The following FMN2 variants were observed in gnomAD, a reference collection of about 807,000 sequenced individuals.
FMN2 encodes the protein formin-2.
In FMN2, 51 loss-of-function variants were observed where a neutral mutation model predicts 142.3. The observed-to-expected ratio is 0.36, with a 90% CI of 0.29 to 0.45. FMN2 has a LOEUF of 0.45. Among genes scored for constraint, FMN2 ranks in the 20% least tolerant of loss-of-function variants. FMN2 has a pLI of 1.00. For synonymous variants in FMN2, 882 were observed against 869.8 expected (o/e 1.01, Z -0.25); for missense variants, 1,936 against 2,122.8 (o/e 0.91, Z 1.73).
At chr1:240,210,967 CTCT>C (rs1335099087) in intron 5 of FMN2, 121 bp from the exon 6 acceptor site, 4 of 799,910 alleles carry the variant, frequency 5.0e-6, no homozygotes, top group Non-Finnish European at 7.7e-6. Flanking sequence ...CTTCTTATCT[CTCT>C]TCTTTTTCCC....
intron 4 of FMN2, among the ~76,000 whole-genome samples, chr1:240,203,941 A>C (rs148964232): frequency 6.6e-6 from 1 of 152,348 alleles, no homozygotes; most frequent in Non-Finnish European, 1.5e-5. Context: ...TGTGCATTAC[A>C]AATACTTTAG....
intron 4 of FMN2, among the ~76,000 whole-genome samples, chr1:240,200,552 C>A (rs1349133850): frequency 6.6e-6 from 1 of 152,076 alleles, no homozygotes; most frequent in Non-Finnish European, 1.5e-5. Flanking sequence ...ATACATTTGG[C>A]TACTCTGTAG....
intron 8 of FMN2, among the ~76,000 whole-genome samples, chr1:240,296,272 A>G (rs909165566): frequency 1.2e-4 from 18 of 151,092 alleles, no homozygotes; most frequent in Non-Finnish European, 2.7e-4. Context: ...AGCACGATAT[A>G]GTCAGTGCTA....
Position 240,144,037 on chromosome 1 carries a change from G to A in FMN2, c.1782+20692G>A. 5 of 1,126,978 alleles carry A rather than the reference G, an allele frequency of 4.4e-6. No homozygotes were observed. In the South Asian group the frequency reaches 6.2e-5, roughly 14 times the overall value. 69.8% of individuals were successfully genotyped at this position (1,126,978 alleles called of 1,614,324 possible). On this transcript the variant is annotated intron_variant, in intron 2 of 17. Coordinates refer to ENST00000319653, the MANE Select transcript of FMN2 (RefSeq NM_020066.5). ...AGACCCCAGAGTTCACTATGCCACA[G>A]GCAAGAAGAATTCCTGACTTAATGT...
intron 7 of FMN2, among the ~76,000 whole-genome samples, chr1:240,294,007 C>T (rs547704194): frequency 6.6e-6 from 1 of 151,956 alleles, no homozygotes; most frequent in Non-Finnish European, 1.5e-5. Context: ...ATTTTTGTCC[C>T]GGAAATTTTT....
In FMN2 at chr1:240,159,915, A is replaced by G. The variant is rs372068375; in HGVS notation, c.1783-18006A>G. ...TATATATATATCTGTGTATATATAT[A>G]TATATATATATATATATTTGTGTAT... On this transcript the variant is annotated intron_variant, in intron 2 of 17. Coordinates refer to ENST00000319653, the MANE Select transcript of FMN2 (RefSeq NM_020066.5). Among the ~76,000 whole-genome samples the G allele has an allele frequency of 7.9e-3, 706 of 89,230 alleles. 5 individuals are homozygous for G. Among genetic ancestry groups the G allele is most frequent in the African/African-American group, 0.043 (674 of 15,716 alleles). 58.5% of individuals were successfully genotyped at this position (89,230 alleles called of 152,430 possible).
At chr1:240,162,944 A>G (rs909407627) in intron 2 of FMN2, among the ~76,000 whole-genome samples, 4 of 152,164 alleles carry the variant, frequency 2.6e-5, no homozygotes, top group African/African-American at 9.7e-5. Context: ...GCAAATATTT[A>G]TATTATCCTT....
In FMN2 at chr1:240,415,648, A is replaced by G. The variant is rs1413269912; in HGVS notation, c.4911-22413A>G. 3.3e-5 allele frequency among the ~76,000 whole-genome samples: 5 copies of G among 152,206 alleles called. No individual in the cohort carries two copies. The East Asian group carries it at 5.8e-4, about 18-fold the overall frequency. On this transcript the variant is annotated intron_variant, in intron 15 of 17. Transcript: ENST00000319653. ...CACTCGGTGTAAAAACAATACTGTTAGCATCTTAGAGACTCAGCTTCTGAG... is the reference window on the plus strand; with the variant it reads ...CACTCGGTGTAAAAACAATACTGTTGGCATCTTAGAGACTCAGCTTCTGAG...
chr1:240,410,162 G>GA (rs34061142), intron 15 of FMN2, among the ~76,000 whole-genome samples: 34 of 149,342 alleles, frequency 2.3e-4, no homozygotes, highest in East Asian at 1.2e-3. Flanking sequence ...ACATAAATCT[G>GA]AAAAAAAAAA....
intron 14 of FMN2, among the ~76,000 whole-genome samples, chr1:240,374,841 T>C (rs1423946779): frequency 6.6e-6 from 1 of 152,236 alleles, no homozygotes; most frequent in Non-Finnish European, 1.5e-5. Flanking sequence ...GCAAGAGAAC[T>C]AGCTTTCATT....
chr1:240,277,868 C>T (rs1558408067), intron 7 of FMN2, among the ~76,000 whole-genome samples: 2 of 152,016 alleles, frequency 1.3e-5, no homozygotes, highest in East Asian at 1.9e-4. Context: ...CCTTATTTAC[C>T]AGAGTGAAGG....
chr1:240,353,970 C>T (rs1049819762), intron 13 of FMN2, among the ~76,000 whole-genome samples: 1 of 152,128 alleles, frequency 6.6e-6, no homozygotes, highest in Non-Finnish European at 1.5e-5. Context: ...ATTGAGTCTG[C>T]AGAAGATATC....
chr1:240,150,684 T>C (rs1170313020), intron 2 of FMN2, among the ~76,000 whole-genome samples: 4 of 152,190 alleles, frequency 2.6e-5, no homozygotes, highest in Admixed American at 2.0e-4. Context: ...GTCACCACTT[T>C]TTGAGCTTTG....
At chr1:240,243,821 A>G (rs572609762) in intron 6 of FMN2, among the ~76,000 whole-genome samples, 14 of 152,344 alleles carry the variant, frequency 9.2e-5, no homozygotes, top group African/African-American at 3.4e-4. Flanking sequence ...AGATCAAATC[A>G]TTGGAAATCT....
intron 1 of FMN2, among the ~76,000 whole-genome samples, chr1:240,109,160 A>G (rs1303942967): frequency 1.3e-5 from 2 of 152,370 alleles, no homozygotes; most frequent in African/African-American, 2.4e-5. Context: ...ATCATAGGAC[A>G]TAAAACTCAG....
chr1:240,319,527 G>A (rs1001899633), intron 8 of FMN2, among the ~76,000 whole-genome samples: 5 of 152,296 alleles, frequency 3.3e-5, no homozygotes, highest in African/African-American at 4.8e-5. Flanking sequence ...GTTTAGCATC[G>A]TGAGTCTTCA....
chr1:240,304,084 C>T (rs1323693184), intron 8 of FMN2, among the ~76,000 whole-genome samples: 1 of 151,618 alleles, frequency 6.6e-6, no homozygotes, highest in African/African-American at 2.4e-5. Flanking sequence ...ACATTGTTTT[C>T]TTGGCTTGCT....
intron 1 of FMN2, among the ~76,000 whole-genome samples, chr1:240,096,903 C>T (rs980066825): frequency 5.3e-5 from 8 of 152,264 alleles, no homozygotes; most frequent in African/African-American, 7.2e-5. Flanking sequence ...CTGATGATGC[C>T]TTAGGCCATT....
chr1:240,291,318 G>A (rs1185711930), intron 7 of FMN2, among the ~76,000 whole-genome samples: 2 of 138,918 alleles, frequency 1.4e-5, no homozygotes, highest in Non-Finnish European at 3.1e-5. Context: ...TGGTTAAATT[G>A]ATTTATATAT....
Sources: gnomAD v4.1 joint callset for allele counts (sites outside exome capture counted in the v4.1 genomes callset) on GRCh38, gnomAD v4.1.1 for gene constraint, MANE v1.5 for transcripts, NCBI Gene and HGNC (gene_info 2026-07-23, HGNC 2026-07-21) for gene names.